The following TRDN variants were observed in gnomAD, a reference collection of about 807,000 sequenced individuals.
TRDN encodes the protein triadin, also known as triadin in skeletal muscle.
TRDN carries 161 observed loss-of-function variants against 149.7 expected under a neutral mutation model. That is an observed-to-expected ratio of 1.08 (90% CI 0.95 to 1.23). The LOEUF is 1.23. TRDN is among the 50% of genes most tolerant of loss of function. The pLI, the probability that TRDN is intolerant of heterozygous loss-of-function variation, is 0.00. For synonymous variants in TRDN, 294 were observed against 250.5 expected (o/e 1.17, Z -1.64); for missense variants, 896 against 823.5 (o/e 1.09, Z -1.08).
intron 9 of TRDN, among the ~76,000 whole-genome samples, chr6:123,485,456 C>T (rs557782518): frequency 5.4e-4 from 82 of 152,148 alleles, no homozygotes; most frequent in African/African-American, 1.8e-3. Context: ...ATTCAACAAA[C>T]ATATCAGGTT....
At chr6:123,602,663 C>T (rs1343379090) in intron 1 of TRDN, among the ~76,000 whole-genome samples, 1 of 152,046 alleles carries the variant, frequency 6.6e-6, no homozygotes, top group Non-Finnish European at 1.5e-5. Flanking sequence ...CAATGTATTT[C>T]CTTCCATGTG....
At chr6:123,360,482 G>C (rs1780854677) in intron 20 of TRDN, among the ~76,000 whole-genome samples, 1 of 152,174 alleles carries the variant, frequency 6.6e-6, no homozygotes, top group East Asian at 1.9e-4. Flanking sequence ...GTTTGGAGAA[G>C]AGACAAAGTG....
At chr6:123,405,038 A>G (rs1056046557) in intron 12 of TRDN, among the ~76,000 whole-genome samples, 1 of 152,230 alleles carries the variant, frequency 6.6e-6, no homozygotes, top group Admixed American at 6.5e-5. Flanking sequence ...CTGAATATTG[A>G]CATTGCTTCT....
At chr6:123,339,610 C>T (rs982532238) in intron 21 of TRDN, among the ~76,000 whole-genome samples, 2 of 152,158 alleles carry the variant, frequency 1.3e-5, no homozygotes, top group Admixed American at 6.5e-5. Context: ...TAACTAGTAG[C>T]TTGTTTTTTC....
intron 9 of TRDN, among the ~76,000 whole-genome samples, chr6:123,478,706 C>T (rs1418676708): frequency 1.3e-5 from 2 of 152,136 alleles, no homozygotes; most frequent in Non-Finnish European, 2.9e-5. Flanking sequence ...CCTAACTTGC[C>T]ATGGAATCAT....
intron 10 of TRDN, among the ~76,000 whole-genome samples, chr6:123,460,422 A>C (rs914485788): frequency 1.2e-4 from 19 of 152,166 alleles, no homozygotes; most frequent in African/African-American, 4.3e-4. Context: ...TATTGTTATT[A>C]GCAACTCTTT....
intron 12 of TRDN, chr6:123,437,459 A>G: frequency 3.6e-6 from 1 of 281,666 alleles, no homozygotes; most frequent in Admixed American, 5.0e-5. Flanking sequence ...GCTGGAGTGC[A>G]GTAGTGCAAT....
intron 2 of TRDN, among the ~76,000 whole-genome samples, chr6:123,561,542 A>G (rs2114500410): frequency 6.6e-6 from 1 of 151,906 alleles, no homozygotes; most frequent in East Asian, 1.9e-4. Context: ...AGAGCCTAAA[A>G]GCTCACCAAC....
chr6:123,530,644 T>C, intron 4 of TRDN, 79 bp from the exon 5 acceptor site: 2 of 853,434 alleles, frequency 2.3e-6, no homozygotes, highest in Non-Finnish European at 3.2e-6. Flanking sequence ...CTAAACTTTA[T>C]AAACCTACCA....
intron 2 of TRDN, among the ~76,000 whole-genome samples, chr6:123,568,217 G>A (rs1206426868): frequency 6.6e-6 from 1 of 152,182 alleles, no homozygotes; most frequent in Non-Finnish European, 1.5e-5. Flanking sequence ...TGAGGGGTGG[G>A]GTCCCAAGGA....
chr6:123,330,432 G>T (rs1562264719), intron 23 of TRDN, among the ~76,000 whole-genome samples: 1 of 151,860 alleles, frequency 6.6e-6, no homozygotes, highest in Non-Finnish European at 1.5e-5. Context: ...CGATTTATCT[G>T]CCTGTTGGAC....
intron 12 of TRDN, among the ~76,000 whole-genome samples, chr6:123,402,789 AT>A (rs1230034503): frequency 6.6e-6 from 1 of 152,214 alleles, no homozygotes; most frequent in Non-Finnish European, 1.5e-5. Flanking sequence ...TGGAAAAAAA[AT>A]AAGCTAGATA....
At chr6:123,552,850 G>A (rs535327476) in intron 2 of TRDN, among the ~76,000 whole-genome samples, 92 of 152,160 alleles carry the variant, frequency 6.0e-4, no homozygotes, top group African/African-American at 2.2e-3. Flanking sequence ...ATTTATCAAT[G>A]CCTTGCTTTC....
intron 1 of TRDN, among the ~76,000 whole-genome samples, chr6:123,600,673 T>C (rs1316200957): frequency 6.6e-6 from 1 of 152,022 alleles, no homozygotes; most frequent in African/African-American, 2.4e-5. Flanking sequence ...GTGCATTCAG[T>C]TTTGTGTCCA....
intron 12 of TRDN, among the ~76,000 whole-genome samples, chr6:123,419,810 C>T (rs1335466811): frequency 6.6e-6 from 1 of 152,182 alleles, no homozygotes; most frequent in East Asian, 1.9e-4. Flanking sequence ...TACCTCCTGC[C>T]TCCCAAGTGC....
At chr6:123,566,070 A>T (rs1782280911) in intron 2 of TRDN, among the ~76,000 whole-genome samples, 1 of 152,226 alleles carries the variant, frequency 6.6e-6, no homozygotes, top group South Asian at 2.1e-4. Flanking sequence ...TGTAATTCAG[A>T]GTTGCTTTCA....
At chr6:123,428,801 C>G (rs1774223902) in intron 12 of TRDN, among the ~76,000 whole-genome samples, 1 of 152,088 alleles carries the variant, frequency 6.6e-6, no homozygotes, top group African/African-American at 2.4e-5. Context: ...CTTGTATTTA[C>G]CCTATTATAG....
intron 21 of TRDN, among the ~76,000 whole-genome samples, chr6:123,342,157 G>A (rs934507064): frequency 4.0e-5 from 6 of 151,778 alleles, no homozygotes; most frequent in African/African-American, 1.2e-4. Context: ...AATTAGTAGG[G>A]TGCACTTTAG....
chr6:123,320,819 A>T (rs1204413441), intron 23 of TRDN, among the ~76,000 whole-genome samples: 1 of 152,080 alleles, frequency 6.6e-6, no homozygotes, highest in African/African-American at 2.4e-5. Flanking sequence ...GTATAATCAC[A>T]GAGGTTTCTA....
Sources: gnomAD v4.1 joint callset for allele counts (sites outside exome capture counted in the v4.1 genomes callset) on GRCh38, gnomAD v4.1.1 for gene constraint, MANE v1.5 for transcripts, NCBI Gene and HGNC (gene_info 2026-07-23, HGNC 2026-07-21) for gene names.